ROBO1: variants seen among roughly 807,000 people sequenced by gnomAD.
ROBO1 encodes roundabout guidance receptor 1.
In ROBO1, 149 loss-of-function variants were observed where a neutral mutation model predicts 195.9. The observed-to-expected ratio is 0.76, with a 90% CI of 0.67 to 0.87. The LOEUF is 0.87. ROBO1 is among the 40% of genes least tolerant of loss of function. The probability of loss-of-function intolerance (pLI) is 0.00; values close to 1 mark genes in which losing one functional copy is unlikely to be tolerated. For missense variants in ROBO1, 1,933 were observed against 2,068.3 expected, an observed-to-expected ratio of 0.93 and a Z score of 1.27; for synonymous variants, 816 against 733.2, an observed-to-expected ratio of 1.11 and a Z score of -1.82.
chr3:79,640,015 T>C (rs1945610043), intron 1 of ROBO1, among the ~76,000 whole-genome samples: 2 of 152,148 alleles, frequency 1.3e-5, no homozygotes, highest in African/African-American at 4.8e-5. Context: ...TTCTTCATCA[T>C]CCAGGGACAG....
chr3:79,742,305 G>A (rs1042154503), intron 1 of ROBO1, among the ~76,000 whole-genome samples: 1 of 152,166 alleles, frequency 6.6e-6, no homozygotes, highest in African/African-American at 2.4e-5. Context: ...TTGGTTTTGT[G>A]GGCCAGGCCC....
chr3:78,783,043 T>C (rs566578368), intron 4 of ROBO1, among the ~76,000 whole-genome samples: 1 of 152,292 alleles, frequency 6.6e-6, no homozygotes, highest in Non-Finnish European at 1.5e-5. Context: ...AAAGGAATAA[T>C]AGATTTTTGT....
chr3:79,022,923 C>T (rs1338964405), intron 3 of ROBO1, among the ~76,000 whole-genome samples: 1 of 152,054 alleles, frequency 6.6e-6, no homozygotes, highest in Non-Finnish European at 1.5e-5. Flanking sequence ...TTGCGTTGCT[C>T]CAATGATTAT....
chr3:79,628,201 A>T (rs1945235579), intron 1 of ROBO1, among the ~76,000 whole-genome samples: 1 of 152,226 alleles, frequency 6.6e-6, no homozygotes, highest in Non-Finnish European at 1.5e-5. Context: ...TTATTGCAGC[A>T]TTATTTACAA....
chr3:79,008,619 T>C (rs2077685677), intron 3 of ROBO1, among the ~76,000 whole-genome samples: 1 of 151,614 alleles, frequency 6.6e-6, no homozygotes, highest in Non-Finnish European at 1.5e-5. Context: ...TGACAGACAG[T>C]ATGCCACTTT....
intron 10 of ROBO1, among the ~76,000 whole-genome samples, chr3:78,678,789 A>G (rs1050310644): frequency 3.9e-5 from 6 of 152,220 alleles, no homozygotes; most frequent in Non-Finnish European, 8.8e-5. Flanking sequence ...TATTCCAAAC[A>G]ATAGAAAGAG....
chr3:78,717,202 A>G (rs1289520468), intron 7 of ROBO1, 73 bp downstream of exon 7: 42 of 1,444,276 alleles, frequency 2.9e-5, no homozygotes, highest in Non-Finnish European at 3.3e-5. Context: ...AATGGCCCGG[A>G]TGTGGAGATG....
chr3:79,665,568 G>T (rs1479432339), intron 1 of ROBO1, among the ~76,000 whole-genome samples: 1 of 151,774 alleles, frequency 6.6e-6, no homozygotes, highest in Non-Finnish European at 1.5e-5. Context: ...GTCTTGTAAT[G>T]TAAATCAGTC....
At chr3:79,515,059 C>T (rs571720151) in intron 2 of ROBO1, among the ~76,000 whole-genome samples, 4 of 152,164 alleles carry the variant, frequency 2.6e-5, no homozygotes, top group African/African-American at 9.6e-5. Flanking sequence ...GTTGGCTCTA[C>T]TAAATGTAAA....
At chr3:78,792,796 T>G (rs962163106) in intron 4 of ROBO1, among the ~76,000 whole-genome samples, 1 of 152,102 alleles carries the variant, frequency 6.6e-6, no homozygotes, top group South Asian at 2.1e-4. Context: ...TAAATCAACT[T>G]TCTATATTGG....
At chr3:79,496,909 GTTGT>G (rs1446690126) in intron 2 of ROBO1, among the ~76,000 whole-genome samples, 1 of 152,052 alleles carries the variant, frequency 6.6e-6, no homozygotes, top group East Asian at 1.9e-4. Flanking sequence ...TCCAAAACTG[GTTGT>G]TTATCTCTTC....
chr3:78,755,001 T>C (rs2082892372), intron 4 of ROBO1, among the ~76,000 whole-genome samples: 1 of 152,104 alleles, frequency 6.6e-6, no homozygotes, highest in Non-Finnish European at 1.5e-5. Flanking sequence ...ACAACCTTGG[T>C]AGGGACGACA....
chr3:78,791,970 A>G (rs2084036006), intron 4 of ROBO1, among the ~76,000 whole-genome samples: 1 of 152,208 alleles, frequency 6.6e-6, no homozygotes, highest in African/African-American at 2.4e-5. Context: ...TGCTGTCCAG[A>G]ATACTCATTC....
chr3:79,005,233 C>G (rs2077593445), intron 3 of ROBO1, among the ~76,000 whole-genome samples: 1 of 152,194 alleles, frequency 6.6e-6, no homozygotes, highest in South Asian at 2.1e-4. Flanking sequence ...CCTGCCCGTG[C>G]CTTGACCTTC....
At chr3:78,864,602 A>C (rs905258961) in intron 4 of ROBO1, among the ~76,000 whole-genome samples, 19 of 152,116 alleles carry the variant, frequency 1.2e-4, no homozygotes, top group Non-Finnish European at 2.1e-4. Context: ...GGATGAAGTA[A>C]ATACATGTAT....
chr3:79,591,313 G>C (rs993333857), intron 1 of ROBO1, among the ~76,000 whole-genome samples: 2 of 151,768 alleles, frequency 1.3e-5, no homozygotes, highest in African/African-American at 2.4e-5. Context: ...TATTTGAGTT[G>C]AGCTGTCCTT....
At chr3:78,811,903 C>T (rs970924755) in intron 4 of ROBO1, among the ~76,000 whole-genome samples, 5 of 152,060 alleles carry the variant, frequency 3.3e-5, no homozygotes, top group Non-Finnish European at 7.4e-5. Flanking sequence ...TGTATGTGTT[C>T]GCATTATAGT....
chr3:79,484,743 TCA>T (rs1939057883), intron 2 of ROBO1, among the ~76,000 whole-genome samples: 2 of 145,614 alleles, frequency 1.4e-5, no homozygotes, highest in Non-Finnish European at 3.0e-5. Context: ...TACACCACTA[TCA>T]TTGCACTATC....
At chr3:78,807,986 A>G (rs2084601892) in intron 4 of ROBO1, among the ~76,000 whole-genome samples, 1 of 152,220 alleles carries the variant, frequency 6.6e-6, no homozygotes, top group Non-Finnish European at 1.5e-5. Context: ...AAAAGCAATA[A>G]ATAATGAAGC....
Sources: allele counts gnomAD v4.1 joint callset (sites outside exome capture counted in the v4.1 genomes callset), GRCh38; gene constraint gnomAD v4.1.1; transcripts MANE v1.5; gene names NCBI Gene and HGNC (gene_info 2026-07-23, HGNC 2026-07-21).